The following SMC1A variants were observed in gnomAD, a reference collection of about 807,000 sequenced individuals.
SMC1A encodes structural maintenance of chromosomes protein 1A.
SMC1A carries 4 observed loss-of-function variants against 94.5 expected under a neutral mutation model. The observed-to-expected ratio is 0.04, with a 90% CI of 0.02 to 0.10. The LOEUF is 0.10. Among genes scored for constraint, SMC1A ranks in the 10% least tolerant of loss-of-function variants. SMC1A has a pLI of 1.00. For synonymous variants in SMC1A, 345 were observed against 347.7 expected, an observed-to-expected ratio of 0.99 and a Z score of 0.09; for missense variants, 304 against 989.0, an observed-to-expected ratio of 0.31 and a Z score of 9.29.
chrX:53,419,522 G>T lies in SMC1A; in HGVS notation c.109+2970C>A, dbSNP rs782519455. ...AGCCTTGGTGACAGAGCAAGACCCT[G>T]ACTCCAAAAAAAAAAAAAATAGGCC... On this transcript the variant is annotated intron_variant, in intron 1 of 24. Coordinates refer to ENST00000322213, the MANE Select transcript of SMC1A (RefSeq NM_006306.4). 2.8e-4 allele frequency among the ~76,000 whole-genome samples: 28 copies of T among 101,648 alleles called. No homozygotes were observed. In the East Asian group the frequency reaches 3.9e-3, roughly 14 times the overall value. 88.3% of individuals were successfully genotyped at this position (101,648 alleles called of 115,157 possible).
At chrX:53,418,817 CG>C (rs1415122330) in intron 1 of SMC1A, among the ~76,000 whole-genome samples, 1 of 111,033 alleles carries the variant, frequency 9.0e-6, no homozygotes, top group African/African-American at 3.3e-5. Context: ...CCGAGGCAGG[CG>C]GATCACCTGA....
chrX:53,420,494 A>G (rs1270708638), intron 1 of SMC1A, among the ~76,000 whole-genome samples: 4 of 107,915 alleles, frequency 3.7e-5, no homozygotes, highest in African/African-American at 1.0e-4. Flanking sequence ...ACTGCACTCC[A>G]GCCTGGACAA....
intron 19 of SMC1A, among the ~76,000 whole-genome samples, chrX:53,390,607 A>C (rs782810776): frequency 4.5e-5 from 5 of 110,846 alleles, no homozygotes; most frequent in Non-Finnish European, 9.4e-5. Flanking sequence ...TTTGCATATA[A>C]AATTTTCCAT....
intron 1 of SMC1A, chrX:53,421,947 T>C (rs1020888573): frequency 4.1e-6 from 5 of 1,210,110 alleles, no homozygotes; most frequent in Non-Finnish European, 5.6e-6. Flanking sequence ...TTCTAAAGAC[T>C]GGAGCGCTGG....
At position 53,378,682 on chromosome X, in the gene SMC1A, ACTTTTAAAAAGC is replaced by A. The variant is rs1196482631; in HGVS notation, c.*1409_*1420del. ...TATTTGGGTAATTAGAATGGACTTA[ACTTTTAAAAAGC>A]AATATACAGATTGGAATTAAAGTGT... is the stretch of plus-strand genomic sequence containing the variant. On this transcript the variant is annotated 3_prime_UTR_variant, in exon 25 of 25. Coordinates refer to ENST00000322213, the MANE Select transcript of SMC1A (RefSeq NM_006306.4). The A allele has an allele frequency of 8.9e-6, 1 of 112,734 alleles. No homozygotes were observed. The highest frequency in any genetic ancestry group is 1.9e-5 in the Non-Finnish European group (1 of 53,358). 9.3% of individuals were successfully genotyped at this position (112,734 alleles called of 1,213,427 possible).
intron 19 of SMC1A, among the ~76,000 whole-genome samples, chrX:53,390,258 C>A (rs940082877): frequency 6.5e-5 from 7 of 107,560 alleles, no homozygotes. Context: ...GAGGCCAAGG[C>A]GGGCGGATCA....
At chrX:53,411,679 G>C (rs2075713450) in intron 7 of SMC1A, 82 bp downstream of exon 7, 1 of 1,098,679 alleles carries the variant, frequency 9.1e-7, no homozygotes, top group Non-Finnish European at 1.3e-6. Flanking sequence ...TCAGATTTTG[G>C]ATTATTTTGG....
rs781845554 is a variant in SMC1A, at chrX:53,422,002, G to A, written c.109+490C>T. The A allele has an allele frequency of 4.1e-6, 5 of 1,208,375 alleles. No individual in the cohort carries two copies. In the South Asian group the frequency reaches 8.8e-5, roughly 21 times the overall value. On this transcript the variant is annotated intron_variant, in intron 1 of 24. Coordinates refer to ENST00000322213, the MANE Select transcript of SMC1A (RefSeq NM_006306.4). The stretch of plus-strand genomic sequence containing the variant: ...CGCCTCCAGAGAAGAGTAGAAAGGA[G>A]TTGGAGTGTACCAATGCGAGGCGAG...
intron 19 of SMC1A, among the ~76,000 whole-genome samples, chrX:53,386,371 A>C (rs1569352684): frequency 8.9e-6 from 1 of 112,090 alleles, no homozygotes; most frequent in Non-Finnish European, 1.9e-5. Context: ...TAGTTTCAAA[A>C]AGAAAAAAAA....
At chrX:53,422,078 G>C in intron 1 of SMC1A, 1 of 1,182,483 alleles carries the variant, frequency 8.5e-7, no homozygotes, top group Non-Finnish European at 1.1e-6. Flanking sequence ...CGAAGGCCAC[G>C]GGAGAGCTAC....
chrX:53,412,267 G>T lies in SMC1A; in HGVS notation c.855-14C>A. 8.3e-7 allele frequency: 1 copy of T among 1,210,015 alleles called. No individual in the cohort carries two copies. Among genetic ancestry groups the T allele is most frequent in the Non-Finnish European group, 1.1e-6 (1 of 894,138 alleles). The stretch of plus-strand genomic sequence containing the variant: ...GAGTCCTTCTCCCTTTTGCCAGAGG[G>T]GTGGGGGAAACCAGTGAGAACTATG... On this transcript the variant is annotated splice_polypyrimidine_tract_variant and intron_variant, in intron 5 of 24. Coordinates refer to ENST00000322213, the MANE Select transcript of SMC1A (RefSeq NM_006306.4).
intron 19 of SMC1A, among the ~76,000 whole-genome samples, chrX:53,391,003 A>C (rs2075626986): frequency 1.0e-5 from 1 of 96,819 alleles, no homozygotes; most frequent in African/African-American, 3.7e-5. Flanking sequence ...AAAAAGAAAA[A>C]GAAAAAAAAA....
At chrX:53,418,653 C>G (rs1396820326) in intron 1 of SMC1A, among the ~76,000 whole-genome samples, 1 of 112,225 alleles carries the variant, frequency 8.9e-6, no homozygotes, top group Non-Finnish European at 1.9e-5. Context: ...AGGCTGGTCT[C>G]AAACTCCTGA....
intron 18 of SMC1A, 31 bp from the exon 19 acceptor site, chrX:53,394,919 A>C (rs1556887795): frequency 3.3e-6 from 3 of 916,220 alleles, no homozygotes; most frequent in Non-Finnish European, 4.8e-6. Context: ...CAAGTGGAGC[A>C]GACTGGCCAT....
At chrX:53,414,953 GGA>G in intron 2 of SMC1A, 26 bp downstream of exon 2, 1 of 1,209,057 alleles carries the variant, frequency 8.3e-7, no homozygotes, top group Admixed American at 2.2e-5. Flanking sequence ...CAGGACCCAA[GGA>G]GAGCTTTCTG....
intron 19 of SMC1A, among the ~76,000 whole-genome samples, chrX:53,392,723 C>T (rs1602403758): frequency 8.9e-6 from 1 of 112,098 alleles, no homozygotes; most frequent in African/African-American, 3.2e-5. Context: ...GCTGGGATTA[C>T]AGGCGTGAGC....
At chrX:53,395,030 A>G (rs939374650) in intron 18 of SMC1A, 142 bp from the exon 19 acceptor site, 33 of 499,234 alleles carry the variant, frequency 6.6e-5, no homozygotes, top group Non-Finnish European at 1.1e-4. Context: ...CTTTGCAGGC[A>G]GAATGACTCA....
rs1359837999 is a variant in SMC1A, at chrX:53,413,319, C to T, written c.528G>A (p.Val176=). The change falls in exon 4 of 25, where the codon GTG becomes GTA. Residue 176 remains valine (V), a synonymous_variant. Coordinates refer to ENST00000322213, the MANE Select transcript of SMC1A (RefSeq NM_006306.4). Reference sequence around the variant, plus strand: ...TAAACTGTGTGTCCTCTTCAGCCTTCACCATTTCCTTCTTTCGCTTGTCAT... The same window carrying T: ...TAAACTGTGTGTCCTCTTCAGCCTTTACCATTTCCTTCTTTCGCTTGTCAT... The part of the protein sequence containing the change: ...QEYDKRKKEM[V]KAEEDTQFNY... 2 of 1,211,918 alleles carry T rather than the reference C, an allele frequency of 1.7e-6. No individual in the cohort carries two copies. Among genetic ancestry groups the T allele is most frequent in the Non-Finnish European group, 2.2e-6 (2 of 895,483 alleles).
chrX:53,394,558 G>C (rs2075643169), intron 19 of SMC1A, among the ~76,000 whole-genome samples: 1 of 111,098 alleles, frequency 9.0e-6, no homozygotes. Context: ...GGGGCAACTT[G>C]GGGTATGGGG....
Sources: allele counts gnomAD v4.1 joint callset (sites outside exome capture counted in the v4.1 genomes callset), GRCh38; gene constraint gnomAD v4.1.1; transcripts MANE v1.5; gene names NCBI Gene and HGNC (gene_info 2026-07-23, HGNC 2026-07-21).